Variants in AGBL4 observed in about 807,000 individuals in gnomAD.
AGBL4 encodes cytosolic carboxypeptidase 6.
AGBL4 carries 58 observed loss-of-function variants against 66.4 expected under a neutral mutation model. The observed-to-expected ratio is 0.87, with a 90% CI of 0.71 to 1.09. The LOEUF (loss-of-function observed/expected upper bound fraction) is 1.09, where lower values mean the gene tolerates loss of function less well. AGBL4 is among the 50% of genes least tolerant of loss of function. AGBL4 has a pLI of 0.00. For missense variants in AGBL4, 579 were observed against 631.0 expected, an observed-to-expected ratio of 0.92 and a Z score of 0.88; for synonymous variants, 234 against 222.9, an observed-to-expected ratio of 1.05 and a Z score of -0.44.
intron 3 of AGBL4, among the ~76,000 whole-genome samples, chr1:49,635,351 C>T (rs1645651311): frequency 6.6e-6 from 1 of 152,010 alleles, no homozygotes; most frequent in Admixed American, 6.6e-5. Context: ...ATCTTTTAAA[C>T]CGGACCTAAA....
chr1:49,253,158 A>C (rs1042159932), intron 3 of AGBL4, among the ~76,000 whole-genome samples: 7 of 152,174 alleles, frequency 4.6e-5, no homozygotes, highest in Non-Finnish European at 8.8e-5. Flanking sequence ...TCTTCAAGAG[A>C]ACCATCTCAC....
At position 49,559,746 on chromosome 1, in the gene AGBL4, G is replaced by T. The variant is rs1032629282; in HGVS notation, c.282+137567C>A. Among the ~76,000 whole-genome samples the T allele has an allele frequency of 2.0e-5, 3 of 152,078 alleles. No individual in the cohort carries two copies. In the East Asian group the frequency reaches 5.8e-4, roughly 29 times the overall value. On this transcript the variant is annotated intron_variant, in intron 3 of 13. Transcript: ENST00000371839. ...TGCCAGGGGCTCTTAAGCCTTCAGC[G>T]ACACATTGAAGGCTACACTGTTGGC...
At chr1:48,725,310 C>T (rs11205530) in intron 6 of AGBL4, among the ~76,000 whole-genome samples, 3 of 151,988 alleles carry the variant, frequency 2.0e-5, no homozygotes, top group Admixed American at 6.6e-5. Flanking sequence ...CCAGACCTAC[C>T]GAATCAGGCT....
chr1:49,070,606 T>G (rs2147933974), intron 4 of AGBL4, among the ~76,000 whole-genome samples: 1 of 152,140 alleles, frequency 6.6e-6, no homozygotes, highest in South Asian at 2.1e-4. Flanking sequence ...TGGATAAGCT[T>G]TTTGATGTGC....
At chr1:49,803,357 T>C (rs1372220080) in intron 2 of AGBL4, among the ~76,000 whole-genome samples, 1 of 152,146 alleles carries the variant, frequency 6.6e-6, no homozygotes, top group African/African-American at 2.4e-5. Flanking sequence ...AGACTATGAA[T>C]TTTGCTCTCT....
intron 2 of AGBL4, among the ~76,000 whole-genome samples, chr1:49,796,214 T>G (rs1644725964): frequency 6.6e-6 from 1 of 151,924 alleles, no homozygotes; most frequent in African/African-American, 2.4e-5. Flanking sequence ...TAAGTAATGA[T>G]TTTCCTACAG....
chr1:49,127,923 C>T (rs1348368000), intron 4 of AGBL4, among the ~76,000 whole-genome samples: 1 of 151,902 alleles, frequency 6.6e-6, no homozygotes, highest in Admixed American at 6.6e-5. Flanking sequence ...CTCTACAATG[C>T]CCAACAGTCA....
rs191463198 is a variant in AGBL4, at chr1:48,729,587, C to A, written c.635-66346G>T. 5.9e-5 allele frequency among the ~76,000 whole-genome samples: 9 copies of A among 152,108 alleles called. No homozygotes were observed. The East Asian group carries it at 1.7e-3, about 29-fold the overall frequency. On this transcript the variant is annotated intron_variant, in intron 6 of 13. Coordinates refer to ENST00000371839, the MANE Select transcript of AGBL4 (RefSeq NM_032785.4). ...GAAGACTAACTTGTGCTAACCTTTCCACTAACATATGAGAAGCCCAGGCCT... is the reference window on the plus strand; with the variant it reads ...GAAGACTAACTTGTGCTAACCTTTCAACTAACATATGAGAAGCCCAGGCCT...
At chr1:49,407,750 T>C (rs1306303520) in intron 3 of AGBL4, among the ~76,000 whole-genome samples, 1 of 152,172 alleles carries the variant, frequency 6.6e-6, no homozygotes, top group Non-Finnish European at 1.5e-5. Flanking sequence ...GCTCAAATAA[T>C]TTTAGTCAAG....
intron 4 of AGBL4, among the ~76,000 whole-genome samples, chr1:49,196,967 A>G (rs1647285873): frequency 6.6e-6 from 1 of 152,088 alleles, no homozygotes; most frequent in Non-Finnish European, 1.5e-5. Flanking sequence ...AGTTGGAACT[A>G]CAAGCACACG....
At chr1:49,511,312 G>T (rs1410112568) in intron 3 of AGBL4, among the ~76,000 whole-genome samples, 9 of 151,384 alleles carry the variant, frequency 5.9e-5, no homozygotes, top group Admixed American at 3.3e-4. Flanking sequence ...GTAGGGACAC[G>T]GATGAAATTG....
intron 3 of AGBL4, among the ~76,000 whole-genome samples, chr1:49,675,239 A>G (rs1346769551): frequency 6.6e-6 from 1 of 152,154 alleles, no homozygotes; most frequent in Non-Finnish European, 1.5e-5. Flanking sequence ...AAAAAAGGCC[A>G]CATTGTTGGA....
intron 5 of AGBL4, among the ~76,000 whole-genome samples, chr1:48,929,235 T>G (rs1654836611): frequency 6.6e-6 from 1 of 152,162 alleles, no homozygotes; most frequent in Non-Finnish European, 1.5e-5. Context: ...TTAAAATGTA[T>G]CCCACGGCCT....
At chr1:49,075,997 A>T (rs1316250907) in intron 4 of AGBL4, among the ~76,000 whole-genome samples, 4 of 152,230 alleles carry the variant, frequency 2.6e-5, no homozygotes. Flanking sequence ...AAAATATATA[A>T]GATCTAATCT....
chr1:49,177,210 T>A (rs1231041220), intron 4 of AGBL4, among the ~76,000 whole-genome samples: 2 of 152,152 alleles, frequency 1.3e-5, no homozygotes, highest in African/African-American at 4.8e-5. Context: ...CATAATCTAG[T>A]ACAGAAACAT....
intron 4 of AGBL4, among the ~76,000 whole-genome samples, chr1:49,122,181 C>T (rs1645668456): frequency 6.6e-6 from 1 of 152,200 alleles, no homozygotes; most frequent in South Asian, 2.1e-4. Flanking sequence ...GAGGCAACGC[C>T]CTGCCCTGCT....
chr1:49,852,744 C>A (rs1646336866), intron 1 of AGBL4, among the ~76,000 whole-genome samples: 1 of 152,142 alleles, frequency 6.6e-6, no homozygotes, highest in African/African-American at 2.4e-5. Context: ...AATGGATATA[C>A]CTCTTTCCAG....
chr1:48,693,205 G>A (rs57623557), intron 6 of AGBL4, among the ~76,000 whole-genome samples: 22 of 152,276 alleles, frequency 1.4e-4, no homozygotes, highest in African/African-American at 5.3e-4. Context: ...CCCGGACCCT[G>A]GGCAGGGCTG....
intron 5 of AGBL4, among the ~76,000 whole-genome samples, chr1:48,943,299 G>A (rs1411283486): frequency 1.3e-5 from 2 of 152,168 alleles, no homozygotes; most frequent in African/African-American, 4.8e-5. Context: ...AAAATGTCTT[G>A]CTTTATGAAA....
Sources: allele counts gnomAD v4.1 joint callset (sites outside exome capture counted in the v4.1 genomes callset), GRCh38; gene constraint gnomAD v4.1.1; transcripts MANE v1.5; gene names NCBI Gene and HGNC (gene_info 2026-07-23, HGNC 2026-07-21).